The following DROSHA variants were observed in gnomAD, a reference collection of about 807,000 sequenced individuals.
DROSHA encodes ribonuclease 3.
DROSHA carries 56 observed loss-of-function variants against 181.9 expected under a neutral mutation model. The ratio of observed to expected loss-of-function variants is 0.31; its 90% CI spans 0.25 to 0.38. The LOEUF is 0.38. Ranked by LOEUF, DROSHA falls within the 10% of genes least tolerant of loss-of-function variation. The pLI, the probability that DROSHA is intolerant of heterozygous loss-of-function variation, is 1.00. For missense variants in DROSHA, 1,218 were observed against 1,743.5 expected, an observed-to-expected ratio of 0.70 and a Z score of 5.37; for synonymous variants, 524 against 591.2, an observed-to-expected ratio of 0.89 and a Z score of 1.65.
chr5:31,524,696 C>A (rs538213465), intron 5 of DROSHA, among the ~76,000 whole-genome samples: 55 of 152,286 alleles, frequency 3.6e-4, no homozygotes, highest in African/African-American at 1.3e-3. Context: ...AACACACACA[C>A]AAAAAAGTTG....
At chr5:31,431,905 A>G (rs1380235497) in intron 25 of DROSHA, among the ~76,000 whole-genome samples, 5 of 152,158 alleles carry the variant, frequency 3.3e-5, no homozygotes, top group African/African-American at 9.7e-5. Flanking sequence ...GGCTTCTACA[A>G]ACTCCAATAG....
In DROSHA at chr5:31,514,484, A is replaced by T. The variant is rs10069137; in HGVS notation, c.1290+504T>A. 0.027 allele frequency among the ~76,000 whole-genome samples: 4,056 copies of T among 152,026 alleles called. 181 individuals are homozygous for T. The highest frequency in any genetic ancestry group is 0.093 in the African/African-American group (3,863 of 41,444). ...AGTATGACCTCATCTCTACTAAAAA[A>T]TAAAAAAAAATTAGCCAGTCATGGT... On this transcript the variant is annotated intron_variant, in intron 8 of 35. Coordinates refer to ENST00000344624, the MANE Select transcript of DROSHA (RefSeq NM_001382508.1). This position sits in a 1 kb window ranked among gnomAD's most constrained non-coding sequence, Gnocchi z 4.4.
intron 16 of DROSHA, among the ~76,000 whole-genome samples, chr5:31,474,066 A>G (rs929034780): frequency 3.9e-5 from 6 of 152,208 alleles, no homozygotes; most frequent in Non-Finnish European, 7.3e-5. Flanking sequence ...ATTGATCACA[A>G]TGGTTCCTAA....
At chr5:31,505,333 G>GAA (rs142862788) in intron 10 of DROSHA, among the ~76,000 whole-genome samples, 3,952 of 150,970 alleles carry the variant, frequency 0.026, 168 homozygotes, top group African/African-American at 0.091. Flanking sequence ...TAATTTAAAA[G>GAA]AAAAAAAAAT....
intron 27 of DROSHA, 139 bp downstream of exon 27, chr5:31,429,336 G>A: frequency 1.5e-6 from 1 of 654,308 alleles, no homozygotes; most frequent in Non-Finnish European, 2.4e-6. Context: ...AGCCATTTTG[G>A]TGTATTGAAA....
At chr5:31,500,028 A>G (rs531947286) in intron 11 of DROSHA, among the ~76,000 whole-genome samples, 2 of 152,326 alleles carry the variant, frequency 1.3e-5, no homozygotes, top group African/African-American at 4.8e-5. Context: ...GGGGACATTT[A>G]TGTTTTGACT....
intron 18 of DROSHA, chr5:31,466,537 G>C: frequency 3.4e-6 from 1 of 295,266 alleles, no homozygotes; most frequent in Non-Finnish European, 6.4e-6. Flanking sequence ...CTATATGAAT[G>C]AATCTCTGGA....
rs367656645 is a variant in DROSHA, at chr5:31,521,234, C to T, written c.855-19G>A. On this transcript the variant is annotated intron_variant, in intron 5 of 35. Transcript: ENST00000344624. ...TCGCTCTCTTAAAGGAATTAATACA[C>T]AGAGCTGTTTTCAACAGAAAGACTC... is the stretch of plus-strand genomic sequence containing the variant. 6.2e-6 allele frequency: 10 copies of T among 1,612,186 alleles called. No homozygotes were observed. Among genetic ancestry groups the T allele is most frequent in the Admixed American group, 1.7e-5 (1 of 59,950 alleles).
chr5:31,517,700 A>G (rs1739418125), intron 6 of DROSHA, among the ~76,000 whole-genome samples: 1 of 152,048 alleles, frequency 6.6e-6, no homozygotes, highest in Non-Finnish European at 1.5e-5. Flanking sequence ...GTATCCTTGC[A>G]TTACTATTTT....
In DROSHA at chr5:31,486,700, A is replaced by C. The variant is rs145848147; in HGVS notation, c.1843-138T>G. 2.7e-4 allele frequency: 173 copies of C among 641,242 alleles called. No individual in the cohort carries two copies. In the East Asian group the frequency reaches 3.7e-3, roughly 14 times the overall value. 39.7% of individuals were successfully genotyped at this position (641,242 alleles called of 1,614,324 possible). A position where few individuals can be genotyped will look rare whatever the true frequency, so the allele number is the denominator to read the frequency against. ...TCATCTCAGCGGCTAACAACACTGC[A>C]CATGAAGCTTGACCACAACTGCTGG... On this transcript the variant is annotated intron_variant, in intron 13 of 35. Transcript: ENST00000344624.
intron 27 of DROSHA, among the ~76,000 whole-genome samples, chr5:31,425,701 C>T (rs1243595198): frequency 1.3e-5 from 2 of 152,128 alleles, no homozygotes; most frequent in Admixed American, 6.5e-5. Context: ...ACCTATTACT[C>T]CATATGGAAC....
intron 23 of DROSHA, among the ~76,000 whole-genome samples, chr5:31,442,995 T>C (rs7731057): frequency 0.35 from 53,646 of 151,526 alleles, 10,646 homozygotes; most frequent in East Asian, 0.53. Flanking sequence ...TCCTTAAATA[T>C]AGAGACATTA....
chr5:31,529,748 C>A lies in DROSHA; in HGVS notation c.-46-643G>T, dbSNP rs201178789. 9.8e-3 allele frequency among the ~76,000 whole-genome samples: 1,234 copies of A among 125,638 alleles called. 21 individuals are homozygous for A. The highest frequency in any genetic ancestry group is 0.032 in the African/African-American group (1,068 of 32,914). 82.4% of individuals were successfully genotyped at this position (125,638 alleles called of 152,430 possible). ...AAAAAAACAAACAAAAAAAAAAAAACAAAAAAAAAAACAAACCATGTAGGC... is the reference window on the plus strand; with the variant it reads ...AAAAAAACAAACAAAAAAAAAAAAAAAAAAAAAAAAACAAACCATGTAGGC... On this transcript the variant is annotated intron_variant, in intron 3 of 35. Coordinates refer to ENST00000344624, the MANE Select transcript of DROSHA (RefSeq NM_001382508.1).
chr5:31,464,107 G>C, intron 20 of DROSHA, 129 bp downstream of exon 20: 1 of 777,012 alleles, frequency 1.3e-6, no homozygotes. Context: ...ACAATTTATA[G>C]TTGATATTCC....
At chr5:31,438,336 G>A (rs1745143362) in intron 23 of DROSHA, among the ~76,000 whole-genome samples, 1 of 152,218 alleles carries the variant, frequency 6.6e-6, no homozygotes, top group Admixed American at 6.5e-5. Flanking sequence ...TGCAGCAGAT[G>A]CAAGGAGACT....
intron 23 of DROSHA, among the ~76,000 whole-genome samples, chr5:31,443,987 A>G (rs1745962405): frequency 6.6e-6 from 1 of 152,262 alleles, no homozygotes. Flanking sequence ...AAAGAAAAAT[A>G]GCCCCATAAC....
chr5:31,477,335 C>T (rs939766930), intron 16 of DROSHA, among the ~76,000 whole-genome samples: 2 of 152,016 alleles, frequency 1.3e-5, no homozygotes, highest in South Asian at 4.1e-4. Context: ...TTAAGAAATA[C>T]AAAAATATTA....
Position 31,504,641 on chromosome 5 carries a change from A to G in DROSHA, c.1588-6T>C. The G allele has an allele frequency of 6.2e-7, 1 of 1,613,858 alleles. No individual in the cohort carries two copies. Reference sequence around the variant, plus strand: ...CAGAGTGGTCCATCATTCATCTGTCAGAAACACAATGTAATTCGTTTTTAT... The same window carrying G: ...CAGAGTGGTCCATCATTCATCTGTCGGAAACACAATGTAATTCGTTTTTAT... On this transcript the variant is annotated splice_region_variant and splice_polypyrimidine_tract_variant and intron_variant, in intron 10 of 35. Coordinates refer to ENST00000344624, the MANE Select transcript of DROSHA (RefSeq NM_001382508.1).
In DROSHA at chr5:31,526,507, G is replaced by C. The variant is rs1209326010; in HGVS notation, c.426C>G (p.Phe142Leu). 11 of 1,583,668 alleles carry C rather than the reference G, an allele frequency of 6.9e-6. No homozygotes were observed. The highest frequency in any genetic ancestry group is 1.2e-5 in the South Asian group (1 of 85,402). Residue 142 changes from phenylalanine (F) to leucine (L), a missense_variant, in exon 5 of 36, where the codon TTC becomes TTG. Physicochemically the swap from Phe to Leu is conservative, Grantham distance 22. This residue lies in a region of DROSHA where 536 missense variants were observed against 535.4 expected (regional missense o/e 1.00). Transcript: ENST00000344624. ...TGGAGGGAGGGGGCATCATGAAGGG[G>C]AAAGTGCCTTGTCCAGGAGGTGCCC... ...VPGAPPGQGT[F>L]PFMMPPPSMP...
Sources: allele counts gnomAD v4.1 joint callset (sites outside exome capture counted in the v4.1 genomes callset), GRCh38; gene constraint gnomAD v4.1.1; regional missense constraint gnomAD v4.1.1; non-coding constraint Gnocchi (gnomAD v3.1); transcripts MANE v1.5; gene names NCBI Gene and HGNC (gene_info 2026-07-23, HGNC 2026-07-21).